The following FAM83B variants were observed in gnomAD, a reference collection of about 807,000 sequenced individuals.
The protein encoded by FAM83B is protein FAM83B.
A neutral mutation model predicts 38.8 loss-of-function variants in FAM83B; 26 were observed. The observed-to-expected ratio is 0.67, with a 90% CI of 0.49 to 0.93. FAM83B has a LOEUF of 0.93. FAM83B is among the 40% of genes least tolerant of loss of function. The probability of loss-of-function intolerance (pLI) is 0.00; values close to 1 mark genes in which losing one functional copy is unlikely to be tolerated. For missense variants in FAM83B, 1,237 were observed against 1,197.3 expected (o/e 1.03, Z -0.49); for synonymous variants, 419 against 423.1 (o/e 0.99, Z 0.12).
chr6:54,930,128 T>C (rs894844498), intron 4 of FAM83B, among the ~76,000 whole-genome samples: 1 of 152,154 alleles, frequency 6.6e-6, no homozygotes, highest in African/African-American at 2.4e-5. Flanking sequence ...TTTATCACAA[T>C]TTTTGGTTAA....
chr6:54,916,003 C>A (rs1166522309), intron 2 of FAM83B, among the ~76,000 whole-genome samples: 1 of 152,044 alleles, frequency 6.6e-6, no homozygotes, highest in Non-Finnish European at 1.5e-5. Flanking sequence ...CACAATTGAC[C>A]AAATTTACCA....
At chr6:54,897,253 G>A (rs1772559515) in intron 2 of FAM83B, among the ~76,000 whole-genome samples, 1 of 151,174 alleles carries the variant, frequency 6.6e-6, no homozygotes, top group Non-Finnish European at 1.5e-5. Flanking sequence ...TCTGGACAGT[G>A]GGGAAATCAC....
chr6:54,919,006 C>T (rs1359753412), intron 2 of FAM83B, among the ~76,000 whole-genome samples: 1 of 152,070 alleles, frequency 6.6e-6, no homozygotes, highest in East Asian at 1.9e-4. Context: ...CTGTCCTGAC[C>T]CTCCAACATC....
At position 54,861,503 on chromosome 6, in the gene FAM83B, GC is replaced by G. The variant is rs140653586; in HGVS notation, c.-60-8682del. ...GCCCAGGAGGTGGAGGTTGCACTGA[GC>G]CAAGATTGTGACACTGCTGACAGAG... On this transcript the variant is annotated intron_variant, in intron 1 of 4. Coordinates refer to ENST00000306858, the MANE Select transcript of FAM83B (RefSeq NM_001010872.3). Among the ~76,000 whole-genome samples, 1,086 of 152,284 alleles carry G rather than the reference GC, an allele frequency of 7.1e-3. 12 individuals carry two copies. Among genetic ancestry groups the G allele is most frequent in the African/African-American group, 0.025 (1,053 of 41,560 alleles).
intron 2 of FAM83B, among the ~76,000 whole-genome samples, chr6:54,887,278 A>G (rs1025053251): frequency 6.6e-6 from 1 of 152,346 alleles, no homozygotes; most frequent in East Asian, 1.9e-4. Flanking sequence ...AACACAGATT[A>G]AAAATACAGT....
At chr6:54,926,957 A>G (rs934298673) in intron 3 of FAM83B, among the ~76,000 whole-genome samples, 1 of 151,276 alleles carries the variant, frequency 6.6e-6, no homozygotes, top group African/African-American at 2.4e-5. Flanking sequence ...CTGGTCTTGA[A>G]CTCCTGACCT....
Position 54,870,680 on chromosome 6 carries a change from A to G in FAM83B, c.434A>G (p.Glu145Gly), listed in dbSNP as rs1771829333. 6.3e-7 allele frequency: 1 copy of G among 1,587,856 alleles called. No individual in the cohort carries two copies. Among genetic ancestry groups the G allele is most frequent in the Admixed American group, 1.9e-5 (1 of 53,624 alleles). The change falls in exon 2 of 5, where the codon GAA becomes GGA. Residue 145 changes from glutamate to glycine, a missense_variant. By Grantham distance (98) the Glu-to-Gly change is moderately conservative. Transcript: ENST00000306858. ...GAAACTATTCGGAAGATGATAAAAG[A>G]AGCAAGAAAGGTAATAACATTTCTA... ...IKETIRKMIK[E>G]ARKVIALVMD...
In FAM83B at chr6:54,870,536, C is replaced by G; in HGVS notation, c.290C>G (p.Ser97Cys). 6.2e-7 allele frequency: 1 copy of G among 1,614,004 alleles called. No homozygotes were observed. The highest frequency in any genetic ancestry group is 8.5e-7 in the Non-Finnish European group (1 of 1,179,988). Reference protein sequence around the residue: ...LSSGTYWPVESDVEAPNLDLG... With the variant: ...LSSGTYWPVECDVEAPNLDLG... ...TCAGGGACCTACTGGCCTGTTGAGT[C>G]TGATGTGGAAGCTCCAAATCTTGAC... Residue 97 changes from serine (S) to cysteine (C), a missense_variant, in exon 2 of 5, where the codon TCT (serine) becomes TGT (cysteine). Coordinates refer to ENST00000306858, the MANE Select transcript of FAM83B (RefSeq NM_001010872.3).
At chr6:54,903,666 A>C (rs2127582733) in intron 2 of FAM83B, among the ~76,000 whole-genome samples, 1 of 152,056 alleles carries the variant, frequency 6.6e-6, no homozygotes, top group Admixed American at 6.6e-5. Context: ...TCCTTTCTTA[A>C]CTGCTATAAA....
rs750936365 is a variant in FAM83B at position 54,870,699 on chromosome 6, A to G, written c.444+9A>G. 1.9e-6 allele frequency: 3 copies of G among 1,566,226 alleles called. No homozygotes were observed. In the Admixed American group the frequency reaches 6.1e-5, roughly 32 times the overall value. ...TAAAAGAAGCAAGAAAGGTAATAAC[A>G]TTTCTATTTTGAAATGAAAAATTTG... On this transcript the variant is annotated intron_variant, in intron 2 of 4. Coordinates refer to ENST00000306858, the MANE Select transcript of FAM83B (RefSeq NM_001010872.3).
chr6:54,887,262 C>T (rs1772299982), intron 2 of FAM83B, among the ~76,000 whole-genome samples: 1 of 152,188 alleles, frequency 6.6e-6, no homozygotes, highest in African/African-American at 2.4e-5. Context: ...TCTGCATCAA[C>T]AACCAAACAC....
intron 2 of FAM83B, among the ~76,000 whole-genome samples, chr6:54,883,738 TA>T: frequency 6.6e-6 from 1 of 152,242 alleles, no homozygotes; most frequent in Admixed American, 6.5e-5. Flanking sequence ...ATATTTTCTA[TA>T]GCTTAGTTGT....
chr6:54,864,763 G>A (rs1220882430), intron 1 of FAM83B, among the ~76,000 whole-genome samples: 1 of 152,114 alleles, frequency 6.6e-6, no homozygotes, highest in Non-Finnish European at 1.5e-5. Flanking sequence ...AACTGTTGTG[G>A]ACCATGGGTA....
intron 2 of FAM83B, among the ~76,000 whole-genome samples, chr6:54,910,818 A>G (rs562519656): frequency 6.6e-6 from 1 of 152,324 alleles, no homozygotes; most frequent in Non-Finnish European, 1.5e-5. Context: ...CTTCTGCAGC[A>G]GATTTATGAC....
In FAM83B at chr6:54,877,470, G is replaced by A. The variant is rs189656378; in HGVS notation, c.444+6780G>A. Among the ~76,000 whole-genome samples, 60 of 152,298 alleles carry A rather than the reference G, an allele frequency of 3.9e-4. No individual in the cohort carries two copies. The East Asian group carries it at 9.5e-3, about 24-fold the overall frequency. ...TGCCTGCTGTCTTATAGTTGCTACA[G>A]ATCCATCATGTGGCATATATTTTTA... On this transcript the variant is annotated intron_variant, in intron 2 of 4. Transcript: ENST00000306858.
intron 2 of FAM83B, among the ~76,000 whole-genome samples, chr6:54,878,619 G>A (rs943385342): frequency 2.0e-5 from 3 of 152,148 alleles, no homozygotes; most frequent in African/African-American, 2.4e-5. Context: ...TGTTGGACCC[G>A]ACAGCAAAGA....
chr6:54,924,215 A>G (rs1159306205), intron 2 of FAM83B, among the ~76,000 whole-genome samples: 6 of 146,064 alleles, frequency 4.1e-5, no homozygotes, highest in Non-Finnish European at 7.5e-5. Context: ...ACACACACAC[A>G]CGCACACACC....
intron 2 of FAM83B, among the ~76,000 whole-genome samples, chr6:54,882,602 T>C (rs1772158576): frequency 6.6e-6 from 1 of 152,160 alleles, no homozygotes; most frequent in Admixed American, 6.5e-5. Context: ...ACCATGCTTT[T>C]GTTCCAGTAT....
chr6:54,934,916 C>T (rs978285826), intron 4 of FAM83B, among the ~76,000 whole-genome samples: 2 of 152,108 alleles, frequency 1.3e-5, no homozygotes, highest in Non-Finnish European at 2.9e-5. Context: ...TTGCTGCTCA[C>T]CTCATGCAAA....
Sources: gnomAD v4.1 joint callset for allele counts (sites outside exome capture counted in the v4.1 genomes callset) on GRCh38, gnomAD v4.1.1 for gene constraint, MANE v1.5 for transcripts, NCBI Gene and HGNC (gene_info 2026-07-23, HGNC 2026-07-21) for gene names.